CAMTA1: variants seen among roughly 807,000 people sequenced by gnomAD.
The protein encoded by CAMTA1 is calmodulin binding transcription activator 1, also known as calmodulin-binding transcription activator 1.
CAMTA1 carries 27 observed loss-of-function variants against 170.9 expected under a neutral mutation model. The observed-to-expected ratio is 0.16, with a 90% CI of 0.12 to 0.22. The LOEUF (loss-of-function observed/expected upper bound fraction) is 0.22, where lower values mean the gene tolerates loss of function less well. Among genes scored for constraint, CAMTA1 ranks in the 10% least tolerant of loss-of-function variants. The probability of loss-of-function intolerance (pLI) is 1.00; values close to 1 mark genes in which losing one functional copy is unlikely to be tolerated. For missense variants in CAMTA1, 1,619 were observed against 2,217.2 expected (o/e 0.73, Z 5.42); for synonymous variants, 833 against 891.5 (o/e 0.93, Z 1.17).
Position 7,745,940 on chromosome 1 carries a change from T to C in CAMTA1, c.4466T>C (p.Leu1489Pro). The change falls in exon 18 of 23, where the codon CTT (leucine) becomes CCT (proline). Residue 1489 changes from leucine to proline, a missense_variant. By Grantham distance (98) the Leu-to-Pro change is moderately conservative. This residue lies in a region of CAMTA1 where 370 missense variants were observed against 429.4 expected (regional missense o/e 0.86). Coordinates refer to ENST00000303635, the MANE Select transcript of CAMTA1 (RefSeq NM_015215.4). ...GAAATCGCTTTCGAGAAACCTAACC[T>C]TCCCTCCGCCGCGGATTGGTCAGAA... The part of the protein sequence containing the change: ...VSEIAFEKPN[L>P]PSAADWSEFL... 6.2e-7 allele frequency: 1 copy of C among 1,614,182 alleles called. No individual in the cohort carries two copies. Among genetic ancestry groups the C allele is most frequent in the Non-Finnish European group, 8.5e-7 (1 of 1,180,028 alleles).
chr1:6,846,861 G>A (rs1000471420), intron 3 of CAMTA1, among the ~76,000 whole-genome samples: 4 of 152,126 alleles, frequency 2.6e-5, no homozygotes, highest in Admixed American at 2.6e-4. Context: ...ATAAAAGGCA[G>A]CCATAGTCTT....
intron 4 of CAMTA1, among the ~76,000 whole-genome samples, chr1:7,099,956 C>T (rs1457767294): frequency 1.3e-5 from 2 of 152,198 alleles, no homozygotes; most frequent in Non-Finnish European, 2.9e-5. Flanking sequence ...ATGTGTCTCC[C>T]GCTGGGGCAG....
chr1:7,054,119 C>T (rs942841863), intron 3 of CAMTA1, among the ~76,000 whole-genome samples: 1 of 152,222 alleles, frequency 6.6e-6, no homozygotes, highest in Non-Finnish European at 1.5e-5. Flanking sequence ...TTGGGTTGCA[C>T]AAACAGGGGT....
intron 6 of CAMTA1, among the ~76,000 whole-genome samples, chr1:7,523,403 G>C (rs2094390785): frequency 6.6e-6 from 1 of 152,136 alleles, no homozygotes; most frequent in Non-Finnish European, 1.5e-5. Flanking sequence ...AGTTTTGATA[G>C]GAATTGTATT....
chr1:7,720,373 T>TTTTG (rs1007238816), intron 11 of CAMTA1, among the ~76,000 whole-genome samples: 1 of 152,096 alleles, frequency 6.6e-6, no homozygotes, highest in South Asian at 2.1e-4. Flanking sequence ...GGGTGGTTTT[T>TTTTG]TTTGTTTGTT....
In CAMTA1 at chr1:7,064,120, CCTT is replaced by C. The variant is rs759467417; in HGVS notation, c.235-27175_235-27173del. On this transcript the variant is annotated intron_variant, in intron 3 of 22. Transcript: ENST00000303635. The surrounding 1 kb of genome is among the most constrained non-coding windows in gnomAD (Gnocchi z 5.4). ...CCTCCTTCTCTCCTTCCCTCCTCCT[CCTT>C]CTTCTTCTCCTCCTCCTCCTTCTCT... is the stretch of plus-strand genomic sequence containing the variant. Among the ~76,000 whole-genome samples the C allele has an allele frequency of 1.7e-3, 252 of 151,584 alleles. No homozygotes were observed. The highest frequency in any genetic ancestry group is 2.6e-3 in the Non-Finnish European group (177 of 67,832).
intron 6 of CAMTA1, among the ~76,000 whole-genome samples, chr1:7,526,432 T>C (rs1228816072): frequency 6.6e-6 from 1 of 151,810 alleles, no homozygotes; most frequent in African/African-American, 2.4e-5. Context: ...AGGCTGGCCA[T>C]GGGCCTCCCC....
Position 7,639,500 on chromosome 1 carries a change from C to T in CAMTA1, c.511-900C>T, listed in dbSNP as rs939450732. ...TTAGATGGAAAGTGCCAGCTGGGTG[C>T]GGTGGCTCACGCCTGTCATCGCAGC... On this transcript the variant is annotated intron_variant, in intron 6 of 22. Transcript: ENST00000303635. Among the ~76,000 whole-genome samples, 15 of 152,088 alleles carry T rather than the reference C, an allele frequency of 9.9e-5. 1 individual carries two copies. Among genetic ancestry groups the T allele is most frequent in the East Asian group, 7.8e-4 (4 of 5,160 alleles).
rs566948296 is a variant in CAMTA1 at position 7,051,993 on chromosome 1, G to A, written c.235-39311G>A. Among the ~76,000 whole-genome samples the A allele has an allele frequency of 5.3e-5, 8 of 151,812 alleles. No homozygotes were observed. The East Asian group carries it at 1.6e-3, about 30-fold the overall frequency. ...TCCGCTCAGGGGCTCTGGCTCTGCCGTGGGGACACTGCTGCCCTTCAGCCC... is the reference window on the plus strand; with the variant it reads ...TCCGCTCAGGGGCTCTGGCTCTGCCATGGGGACACTGCTGCCCTTCAGCCC... On this transcript the variant is annotated intron_variant, in intron 3 of 22. Transcript: ENST00000303635.
At chr1:7,712,936 G>A (rs750752270) in intron 11 of CAMTA1, among the ~76,000 whole-genome samples, 23 of 152,114 alleles carry the variant, frequency 1.5e-4, no homozygotes, top group Admixed American at 3.3e-4. Context: ...ACTATCACGA[G>A]AACAGCAGGA....
At chr1:7,397,975 T>C (rs1436738648) in intron 5 of CAMTA1, among the ~76,000 whole-genome samples, 2 of 151,714 alleles carry the variant, frequency 1.3e-5, no homozygotes, top group African/African-American at 4.8e-5. Context: ...GGATAAAATG[T>C]TCTGTAAATG....
At chr1:7,139,346 T>C (rs1041034515) in intron 4 of CAMTA1, among the ~76,000 whole-genome samples, 1 of 146,306 alleles carries the variant, frequency 6.8e-6, no homozygotes, top group East Asian at 1.9e-4. Context: ...ATCTATGGTA[T>C]ATAAATATTT....
At chr1:7,347,631 T>C (rs1022689735) in intron 5 of CAMTA1, among the ~76,000 whole-genome samples, 2 of 152,196 alleles carry the variant, frequency 1.3e-5, no homozygotes, top group Non-Finnish European at 2.9e-5. Flanking sequence ...AAGTCTGAAA[T>C]GAAGATGTGG....
At chr1:6,847,982 A>G (rs983311427) in intron 3 of CAMTA1, among the ~76,000 whole-genome samples, 2 of 151,170 alleles carry the variant, frequency 1.3e-5, no homozygotes, top group Non-Finnish European at 1.5e-5. Flanking sequence ...AAGTGCTGGG[A>G]TTACAGGTAT....
At chr1:7,595,323 T>C (rs1229611061) in intron 6 of CAMTA1, among the ~76,000 whole-genome samples, 2 of 152,214 alleles carry the variant, frequency 1.3e-5, no homozygotes, top group Non-Finnish European at 2.9e-5. Context: ...TTTTGGCAGC[T>C]GCAGAGACTC....
chr1:7,006,105 A>T (rs1698975042), intron 3 of CAMTA1, among the ~76,000 whole-genome samples: 1 of 152,178 alleles, frequency 6.6e-6, no homozygotes, highest in African/African-American at 2.4e-5. Context: ...GTTTAGCTAG[A>T]TGTGGAGGAA....
At position 7,273,425 on chromosome 1, in the gene CAMTA1, C is replaced by T. The variant is rs115651937; in HGVS notation, c.438+23799C>T. Among the ~76,000 whole-genome samples the T allele has an allele frequency of 4.8e-3, 732 of 152,296 alleles. 6 individuals carry two copies. Among genetic ancestry groups the T allele is most frequent in the African/African-American group, 0.016 (680 of 41,554 alleles). ...ATGAGGCACTGATAACATGCCACAA[C>T]GTGGATGAACTTCTAAACGTTATTC... On this transcript the variant is annotated intron_variant, in intron 5 of 22. Coordinates refer to ENST00000303635, the MANE Select transcript of CAMTA1 (RefSeq NM_015215.4).
intron 5 of CAMTA1, among the ~76,000 whole-genome samples, chr1:7,364,548 A>G (rs1460306332): frequency 6.6e-6 from 1 of 151,884 alleles, no homozygotes; most frequent in African/African-American, 2.4e-5. Flanking sequence ...TTTCTTGTAC[A>G]CAGATCAGAC....
chr1:7,649,676 A>G (rs2095835677), intron 7 of CAMTA1, among the ~76,000 whole-genome samples: 2 of 152,230 alleles, frequency 1.3e-5, no homozygotes, highest in African/African-American at 4.8e-5. Flanking sequence ...GAGGACTGGA[A>G]GAGAAATACT....
Sources: allele counts gnomAD v4.1 joint callset (sites outside exome capture counted in the v4.1 genomes callset), GRCh38; gene constraint gnomAD v4.1.1; regional missense constraint gnomAD v4.1.1; non-coding constraint Gnocchi (gnomAD v3.1); transcripts MANE v1.5; gene names NCBI Gene and HGNC (gene_info 2026-07-23, HGNC 2026-07-21).